RASSF8: variants seen among roughly 807,000 people sequenced by gnomAD.
RASSF8 encodes the protein ras association domain-containing protein 8.
In RASSF8, 22 loss-of-function variants were observed where a neutral mutation model predicts 48.5. The ratio of observed to expected loss-of-function variants is 0.45; its 90% confidence interval spans 0.32 to 0.65. The LOEUF (loss-of-function observed/expected upper bound fraction) is 0.65. Among genes scored for constraint, RASSF8 ranks in the 30% least tolerant of loss-of-function variants. RASSF8 has a pLI of 0.03. For missense variants in RASSF8, 418 were observed against 489.2 expected, an observed-to-expected ratio of 0.85 and a Z score of 1.37; for synonymous variants, 127 against 171.5, an observed-to-expected ratio of 0.74 and a Z score of 2.03.
chr12:26,043,493 G>A (rs2729651), intron 2 of RASSF8, among the ~76,000 whole-genome samples: 128,561 of 152,160 alleles, frequency 0.84, 54,425 homozygotes, highest in East Asian at 0.99. Context: ...ATGGAATCCA[G>A]TTTTATTTGA....
chr12:26,076,313 C>T (rs1471849164), downstream of RASSF8, among the ~76,000 whole-genome samples: 2 of 151,730 alleles, frequency 1.3e-5, no homozygotes, highest in Non-Finnish European at 2.9e-5. Context: ...ATGTGCACAA[C>T]GTGCAGGTTT....
At chr12:25,988,002 C>T (rs1941926948) in intron 1 of RASSF8, among the ~76,000 whole-genome samples, 1 of 151,340 alleles carries the variant, frequency 6.6e-6, no homozygotes. Flanking sequence ...CAGGCATGCA[C>T]TACCATGCCT....
chr12:26,060,761 A>T (rs113930220), intron 3 of RASSF8, among the ~76,000 whole-genome samples: 3 of 152,330 alleles, frequency 2.0e-5, no homozygotes, highest in African/African-American at 7.2e-5. Context: ...AAGAAGCAAA[A>T]TATCTACTAT....
intron 2 of RASSF8, among the ~76,000 whole-genome samples, chr12:26,030,466 A>C (rs1437119403): frequency 6.6e-6 from 1 of 152,184 alleles, no homozygotes; most frequent in Admixed American, 6.5e-5. Flanking sequence ...TGTCCGGATA[A>C]GATGGATTCT....
chr12:26,023,026 G>A (rs997031506), intron 2 of RASSF8, among the ~76,000 whole-genome samples: 1 of 152,174 alleles, frequency 6.6e-6, no homozygotes, highest in Non-Finnish European at 1.5e-5. Flanking sequence ...GATTACAGGT[G>A]TGAGCCACCA....
At position 25,958,880 on chromosome 12, in the gene RASSF8, T is replaced by A. The variant is rs1238915231; in HGVS notation, c.-471T>A. ...GCGGCTCCCGCGGCGTCTCTGCCGCTGGCCGAGCGCTCGCGCACCGCGGCA... is the reference window on the plus strand; with the variant it reads ...GCGGCTCCCGCGGCGTCTCTGCCGCAGGCCGAGCGCTCGCGCACCGCGGCA... On this transcript the variant is annotated 5_prime_UTR_variant, in exon 1 of 6. Transcript: ENST00000689635. The A allele has an allele frequency of 6.8e-6, 1 of 146,582 alleles. No individual in the cohort carries two copies. Among genetic ancestry groups the A allele is most frequent in the Admixed American group, 6.8e-5 (1 of 14,778 alleles). The allele number at this position is 146,582 out of a possible 1,614,324, so 9.1% of individuals were successfully genotyped here. A position where few individuals can be genotyped will look rare whatever the true frequency, so the allele number is the denominator to read the frequency against.
chr12:25,974,095 C>T (rs1046657658), intron 1 of RASSF8, among the ~76,000 whole-genome samples: 1 of 151,398 alleles, frequency 6.6e-6, no homozygotes, highest in Non-Finnish European at 1.5e-5. Flanking sequence ...CTCGGTGGTC[C>T]AGGGAGAAAG....
Position 26,046,717 on chromosome 12 carries a change from C to T in RASSF8, c.-108-8519C>T, listed in dbSNP as rs909036312. Among the ~76,000 whole-genome samples, 10 of 152,154 alleles carry T rather than the reference C, an allele frequency of 6.6e-5. 1 individual carries two copies. The highest frequency in any genetic ancestry group is 2.2e-4 in the African/African-American group (9 of 41,434). ...ATAAAACAGTCAACATTGCGTCTTT[C>T]ACATAGTAAGAATTCTTGTTGCTAG... On this transcript the variant is annotated intron_variant, in intron 2 of 5. Transcript: ENST00000689635.
intron 2 of RASSF8, among the ~76,000 whole-genome samples, chr12:26,050,693 A>G (rs1275099877): frequency 6.6e-6 from 1 of 152,250 alleles, no homozygotes; most frequent in Non-Finnish European, 1.5e-5. Context: ...ATTAATGTGT[A>G]TGTTCAGACA....
In RASSF8 at chr12:25,969,937, G is replaced by A. The variant is rs539912193; in HGVS notation, c.-203+10789G>A. Reference sequence around the variant, plus strand: ...TGCTGCTTTAGACCTTTATTTCCCCGACCCCCACTCACCTCCCGTCTCTGC... The same window carrying A: ...TGCTGCTTTAGACCTTTATTTCCCCAACCCCCACTCACCTCCCGTCTCTGC... On this transcript the variant is annotated intron_variant, in intron 1 of 5. Transcript: ENST00000689635. Among the ~76,000 whole-genome samples the A allele has an allele frequency of 5.3e-4, 81 of 151,992 alleles. 1 individual carries two copies. Among genetic ancestry groups the A allele is most frequent in the African/African-American group, 1.9e-3 (79 of 41,438 alleles).
At chr12:26,051,819 G>A (rs1364533754) in intron 2 of RASSF8, among the ~76,000 whole-genome samples, 3 of 152,152 alleles carry the variant, frequency 2.0e-5, no homozygotes, top group Non-Finnish European at 4.4e-5. Context: ...ATTCATTAAC[G>A]TTGAACCCAC....
intron 2 of RASSF8, among the ~76,000 whole-genome samples, chr12:26,050,118 C>T (rs1943460942): frequency 6.6e-6 from 1 of 152,306 alleles, no homozygotes; most frequent in Middle Eastern, 3.4e-3. Flanking sequence ...TCAGTATTCT[C>T]ATACCAATAA....
intron 1 of RASSF8, among the ~76,000 whole-genome samples, chr12:25,988,046 A>G (rs1401435007): frequency 6.8e-6 from 1 of 147,614 alleles, no homozygotes; most frequent in Admixed American, 6.8e-5. Context: ...TACTTTTAGT[A>G]GAGACAAGGT....
intron 1 of RASSF8, among the ~76,000 whole-genome samples, chr12:25,986,199 G>A (rs1265282224): frequency 1.3e-5 from 2 of 152,124 alleles, no homozygotes; most frequent in Non-Finnish European, 2.9e-5. Flanking sequence ...CAGAGGATAG[G>A]TGTGGCCTTG....
At chr12:25,982,302 G>T (rs1941763206) in intron 1 of RASSF8, among the ~76,000 whole-genome samples, 1 of 152,142 alleles carries the variant, frequency 6.6e-6, no homozygotes, top group South Asian at 2.1e-4. Flanking sequence ...ATGAATTTCT[G>T]CATTTAGATT....
intron 2 of RASSF8, among the ~76,000 whole-genome samples, chr12:26,047,865 C>T (rs1943404633): frequency 6.6e-6 from 1 of 152,200 alleles, no homozygotes; most frequent in East Asian, 1.9e-4. Flanking sequence ...GGGGGGTACA[C>T]AGCACGCCTG....
chr12:26,068,530 A>G (rs937448693), intron 5 of RASSF8, among the ~76,000 whole-genome samples, 167 bp from the exon 6 acceptor site: 1 of 152,204 alleles, frequency 6.6e-6, no homozygotes, highest in Non-Finnish European at 1.5e-5. Flanking sequence ...TATCAAAGAG[A>G]CCTGAGAAGG....
Position 26,009,152 on chromosome 12 carries a change from C to T in RASSF8, c.-109+14022C>T, listed in dbSNP as rs141665124. ...CTCACAAGAAATCCAAGCTCACCGA[C>T]GTGTTAGGATAAGGGACTATCTGGG... On this transcript the variant is annotated intron_variant, in intron 2 of 5. Transcript: ENST00000689635. Among the ~76,000 whole-genome samples the T allele has an allele frequency of 6.6e-3, 1,009 of 152,240 alleles. 12 individuals are homozygous for T. The highest frequency in any genetic ancestry group is 0.023 in the African/African-American group (964 of 41,540).
At chr12:26,027,604 G>A (rs187921258) in intron 2 of RASSF8, among the ~76,000 whole-genome samples, 35 of 152,208 alleles carry the variant, frequency 2.3e-4, no homozygotes, top group Non-Finnish European at 4.6e-4. Context: ...AGTCTCAACT[G>A]TGCTAAGAGA....
Sources: allele counts gnomAD v4.1 joint callset (sites outside exome capture counted in the v4.1 genomes callset), GRCh38; gene constraint gnomAD v4.1.1; transcripts MANE v1.5; gene names NCBI Gene and HGNC (gene_info 2026-07-23, HGNC 2026-07-21).